The following TMEFF2 variants were observed in gnomAD, a reference collection of about 807,000 sequenced individuals.
The protein encoded by TMEFF2 is tomoregulin-2.
A neutral mutation model predicts 53.8 loss-of-function variants in TMEFF2; 28 were observed. The observed-to-expected ratio is 0.52, with a 90% confidence interval of 0.39 to 0.71. TMEFF2 has a LOEUF of 0.71. Ranked by LOEUF, TMEFF2 falls within the 30% of genes least tolerant of loss-of-function variation. The probability of loss-of-function intolerance (pLI) is 0.00; values close to 1 mark genes in which losing one functional copy is unlikely to be tolerated. For synonymous variants in TMEFF2, 162 were observed against 166.3 expected, an observed-to-expected ratio of 0.97 and a Z score of 0.20; for missense variants, 353 against 455.2, an observed-to-expected ratio of 0.78 and a Z score of 2.04.
chr2:192,156,025 A>AT (rs397724613), intron 4 of TMEFF2, among the ~76,000 whole-genome samples: 1 of 151,592 alleles, frequency 6.6e-6, no homozygotes, highest in Non-Finnish European at 1.5e-5. Flanking sequence ...AAAAAAAAAA[A>AT]CAAGATAATA....
intron 7 of TMEFF2, among the ~76,000 whole-genome samples, chr2:191,971,736 T>G (rs538994707): frequency 4.6e-5 from 7 of 152,318 alleles, no homozygotes; most frequent in African/African-American, 1.7e-4. Context: ...AGGTATAGTA[T>G]GTACAGTGGT....
intron 4 of TMEFF2, among the ~76,000 whole-genome samples, chr2:192,146,094 AT>A (rs1690244926): frequency 6.6e-6 from 1 of 152,028 alleles, no homozygotes; most frequent in Non-Finnish European, 1.5e-5. Context: ...CACCATAAAA[AT>A]ATTCACAAAA....
intron 4 of TMEFF2, among the ~76,000 whole-genome samples, chr2:192,096,670 C>CTCTCTGTCTT (rs61068218): frequency 1.9e-5 from 1 of 53,702 alleles, no homozygotes; most frequent in African/African-American, 1.4e-4. Flanking sequence ...CTCTCTCTCT[C>CTCTCTGTCTT]TTTTTTTTTT....
intron 4 of TMEFF2, among the ~76,000 whole-genome samples, chr2:192,073,274 A>G (rs1688333620): frequency 6.6e-6 from 1 of 151,966 alleles, no homozygotes; most frequent in South Asian, 2.1e-4. Context: ...TGAGTATACT[A>G]TAAACAATGA....
chr2:191,983,691 G>A (rs759718612), intron 7 of TMEFF2, among the ~76,000 whole-genome samples: 11 of 152,158 alleles, frequency 7.2e-5, no homozygotes, highest in Non-Finnish European at 1.3e-4. Flanking sequence ...AAAAGTGACA[G>A]CAAACTGTGG....
At chr2:192,116,658 G>A (rs2105961322) in intron 4 of TMEFF2, among the ~76,000 whole-genome samples, 2 of 152,156 alleles carry the variant, frequency 1.3e-5, no homozygotes, top group South Asian at 4.1e-4. Context: ...TGACAAAACA[G>A]CTAAATAATT....
intron 2 of TMEFF2, among the ~76,000 whole-genome samples, chr2:192,188,846 T>C (rs1300151916): frequency 6.8e-6 from 1 of 147,038 alleles, no homozygotes; most frequent in African/African-American, 2.6e-5. Flanking sequence ...TATCTATCTA[T>C]CTATCTATCT....
intron 7 of TMEFF2, among the ~76,000 whole-genome samples, chr2:191,993,966 T>C (rs1453004851): frequency 6.6e-6 from 1 of 152,070 alleles, no homozygotes. Context: ...TATTTTTTAT[T>C]TTTTATCAGA....
At chr2:192,066,493 AAAG>A (rs1461341589) in intron 4 of TMEFF2, among the ~76,000 whole-genome samples, 3 of 151,946 alleles carry the variant, frequency 2.0e-5, no homozygotes, top group Non-Finnish European at 2.9e-5. Context: ...AAAGACTTCA[AAAG>A]AAGAGATCAT....
chr2:191,971,635 A>G (rs1692642482), intron 7 of TMEFF2, among the ~76,000 whole-genome samples: 1 of 152,206 alleles, frequency 6.6e-6, no homozygotes, highest in Admixed American at 6.5e-5. Flanking sequence ...TAAATTTACT[A>G]GAGCTTGATC....
chr2:192,069,424 A>C (rs1303866742), intron 4 of TMEFF2, among the ~76,000 whole-genome samples: 1 of 151,788 alleles, frequency 6.6e-6, no homozygotes, highest in Non-Finnish European at 1.5e-5. Context: ...CAAGAAGAAA[A>C]ATGTATCCTC....
In TMEFF2 at chr2:192,157,760, A is replaced by G. The variant is rs116640850; in HGVS notation, c.439+21908T>C. Among the ~76,000 whole-genome samples, 1,458 of 152,210 alleles carry G rather than the reference A, an allele frequency of 9.6e-3. 11 individuals carry two copies. The highest frequency in any genetic ancestry group is 0.014 in the Non-Finnish European group (941 of 67,998). On this transcript the variant is annotated intron_variant, in intron 4 of 9. Coordinates refer to ENST00000272771, the MANE Select transcript of TMEFF2 (RefSeq NM_016192.4). ...TGGTAAAAAAGATAAAATCTTTGAT[A>G]ATAGGAAATTATTTTAAGTGTTAAA... is the stretch of plus-strand genomic sequence containing the variant.
intron 5 of TMEFF2, among the ~76,000 whole-genome samples, chr2:192,056,958 T>G (rs577773745): frequency 6.6e-6 from 1 of 152,306 alleles, no homozygotes; most frequent in African/African-American, 2.4e-5. Flanking sequence ...GGAATAAATT[T>G]CTTTTGTTTA....
chr2:192,185,726 C>T (rs1691294982), intron 2 of TMEFF2, among the ~76,000 whole-genome samples: 2 of 152,110 alleles, frequency 1.3e-5, no homozygotes, highest in East Asian at 3.9e-4. Context: ...ACTCTATTTC[C>T]TAACAATACC....
At chr2:192,175,361 C>A (rs1386940712) in intron 4 of TMEFF2, among the ~76,000 whole-genome samples, 1 of 151,586 alleles carries the variant, frequency 6.6e-6, no homozygotes, top group East Asian at 1.9e-4. Flanking sequence ...CTTGTTCTAT[C>A]CAATATGTAT....
At chr2:192,177,686 T>C (rs1017409975) in intron 4 of TMEFF2, 2 of 150,896 alleles carry the variant, frequency 1.3e-5, no homozygotes, top group Non-Finnish European at 3.0e-5. Flanking sequence ...GAAGAGTGAT[T>C]AAAAAACAGA....
At chr2:192,024,418 G>A (rs950255466) in intron 5 of TMEFF2, among the ~76,000 whole-genome samples, 1 of 152,208 alleles carries the variant, frequency 6.6e-6, no homozygotes, top group Non-Finnish European at 1.5e-5. Context: ...ATCAAAGTAA[G>A]TGAAATGCTT....
intron 4 of TMEFF2, among the ~76,000 whole-genome samples, chr2:192,168,967 C>T (rs780537307): frequency 6.6e-6 from 1 of 152,040 alleles, no homozygotes; most frequent in Admixed American, 6.6e-5. Flanking sequence ...GATCCTCCCA[C>T]CTCAGCCTCC....
At chr2:192,015,349 C>A (rs2105854191) in intron 5 of TMEFF2, among the ~76,000 whole-genome samples, 1 of 108,210 alleles carries the variant, frequency 9.2e-6, no homozygotes, top group African/African-American at 3.6e-5. Flanking sequence ...CTGGTAATGA[C>A]TAAAATGTAT....
Sources: gnomAD v4.1 joint callset for allele counts (sites outside exome capture counted in the v4.1 genomes callset) on GRCh38, gnomAD v4.1.1 for gene constraint, MANE v1.5 for transcripts, NCBI Gene and HGNC (gene_info 2026-07-23, HGNC 2026-07-21) for gene names.